The following PKP4 variants were observed in gnomAD, a reference collection of about 807,000 sequenced individuals.
PKP4 encodes plakophilin 4, also known as plakophilin-4.
PKP4 carries 90 observed loss-of-function variants against 145.1 expected under a neutral mutation model. That is an observed-to-expected ratio of 0.62 (90% CI 0.52 to 0.74). PKP4 has a LOEUF of 0.74. Ranked by LOEUF, PKP4 falls within the 30% of genes least tolerant of loss-of-function variation. The pLI, the probability that PKP4 is intolerant of heterozygous loss-of-function variation, is 0.00. For missense variants in PKP4, 1,340 were observed against 1,482.7 expected, an observed-to-expected ratio of 0.90 and a Z score of 1.58; for synonymous variants, 563 against 577.2, an observed-to-expected ratio of 0.98 and a Z score of 0.35.
At chr2:158,606,121 C>G (rs558403714) in intron 4 of PKP4, among the ~76,000 whole-genome samples, 10 of 152,216 alleles carry the variant, frequency 6.6e-5, no homozygotes, top group South Asian at 2.1e-4. Context: ...TAAGTATAAA[C>G]CTATTAGTGG....
chr2:158,648,153 A>G (rs1457762282), intron 11 of PKP4, among the ~76,000 whole-genome samples: 1 of 152,212 alleles, frequency 6.6e-6, no homozygotes, highest in Non-Finnish European at 1.5e-5. Context: ...CTTTGTTCAT[A>G]TGACTGCTAC....
At chr2:158,521,330 C>A (rs1241332845) in intron 1 of PKP4, among the ~76,000 whole-genome samples, 1 of 152,164 alleles carries the variant, frequency 6.6e-6, no homozygotes, top group Non-Finnish European at 1.5e-5. Context: ...AGGTTGAGAA[C>A]TTCATTATTG....
intron 1 of PKP4, among the ~76,000 whole-genome samples, chr2:158,502,581 A>G (rs1234121829): frequency 6.6e-6 from 1 of 152,088 alleles, no homozygotes; most frequent in Non-Finnish European, 1.5e-5. Flanking sequence ...TTCCATGTGG[A>G]TCGCTGCAGT....
intron 2 of PKP4, among the ~76,000 whole-genome samples, chr2:158,567,943 C>T (rs2047125303): frequency 6.6e-6 from 1 of 152,198 alleles, no homozygotes; most frequent in Admixed American, 6.5e-5. Context: ...GATGAGGACA[C>T]TTACAGTTTG....
At chr2:158,479,598 G>A (rs1218863227) in intron 1 of PKP4, among the ~76,000 whole-genome samples, 2 of 151,908 alleles carry the variant, frequency 1.3e-5, no homozygotes, top group Non-Finnish European at 2.9e-5. Context: ...GTCTTATTAA[G>A]CTTCTATAGG....
At chr2:158,559,278 A>G (rs1183504187) in intron 2 of PKP4, among the ~76,000 whole-genome samples, 1 of 151,116 alleles carries the variant, frequency 6.6e-6, no homozygotes, top group Non-Finnish European at 1.5e-5. Context: ...TCCTTTCTAC[A>G]GCCCCTTTAA....
At chr2:158,579,454 A>T (rs1223219427) in intron 3 of PKP4, among the ~76,000 whole-genome samples, 1 of 152,060 alleles carries the variant, frequency 6.6e-6, no homozygotes, top group Non-Finnish European at 1.5e-5. Context: ...TAAAAAAAAA[A>T]AAAAAGCATT....
intron 2 of PKP4, among the ~76,000 whole-genome samples, chr2:158,561,521 C>T (rs1174257378): frequency 6.6e-6 from 1 of 152,182 alleles, no homozygotes; most frequent in East Asian, 1.9e-4. Context: ...TTTCTAGGTG[C>T]CTACTTTTAT....
At chr2:158,655,445 T>G (rs1005884442) in intron 11 of PKP4, among the ~76,000 whole-genome samples, 1 of 152,216 alleles carries the variant, frequency 6.6e-6, no homozygotes, top group African/African-American at 2.4e-5. Context: ...ATCAGAGAAT[T>G]TCTAGGCATC....
chr2:158,606,770 A>G lies in PKP4; in HGVS notation c.280+3666A>G, dbSNP rs570490301. 2.0e-5 allele frequency among the ~76,000 whole-genome samples: 3 copies of G among 152,312 alleles called. No individual in the cohort carries two copies. In the South Asian group the frequency reaches 6.2e-4, roughly 32 times the overall value. On this transcript the variant is annotated intron_variant, in intron 4 of 21. Coordinates refer to ENST00000389759, the MANE Select transcript of PKP4 (RefSeq NM_003628.6). The stretch of plus-strand genomic sequence containing the variant: ...AATGCATAATTAATTTATTTCTGAA[A>G]TAAATAAACACTTTTCTAGCATGTA...
At chr2:158,543,181 A>G (rs1480153762) in intron 2 of PKP4, among the ~76,000 whole-genome samples, 3 of 152,086 alleles carry the variant, frequency 2.0e-5, no homozygotes, top group Admixed American at 2.0e-4. Context: ...TTTTTGGAAT[A>G]TTTGCAAAAT....
At chr2:158,580,702 A>C (rs59963083) in intron 3 of PKP4, among the ~76,000 whole-genome samples, 1 of 152,200 alleles carries the variant, frequency 6.6e-6, no homozygotes, top group African/African-American at 2.4e-5. Context: ...GGTTATGAGT[A>C]AGGTGGGTTT....
chr2:158,560,907 T>C (rs971457149), intron 2 of PKP4, among the ~76,000 whole-genome samples: 1 of 152,212 alleles, frequency 6.6e-6, no homozygotes, highest in Non-Finnish European at 1.5e-5. Flanking sequence ...AATCCTATAA[T>C]CCTTCCATAT....
intron 1 of PKP4, among the ~76,000 whole-genome samples, chr2:158,486,910 C>T (rs1694248568): frequency 1.3e-5 from 2 of 152,130 alleles, no homozygotes; most frequent in African/African-American, 4.8e-5. Context: ...TGTGTACTAG[C>T]CATTTTAGTT....
rs189555780 is a variant in PKP4 at position 158,508,467 on chromosome 2, A to G, written c.-5-24713A>G. 2.9e-3 allele frequency among the ~76,000 whole-genome samples: 444 copies of G among 152,230 alleles called. 2 individuals are homozygous for G. The highest frequency in any genetic ancestry group is 0.01 in the Middle Eastern group (3 of 292). On this transcript the variant is annotated intron_variant, in intron 1 of 21. Transcript: ENST00000389759. ...GTTCCTAACTCCCATGGACAATTCT[A>G]GCATGAGTTTTGTAATAGTTTATAA...
chr2:158,574,063 A>G (rs534067861), intron 2 of PKP4, among the ~76,000 whole-genome samples: 1 of 152,320 alleles, frequency 6.6e-6, no homozygotes, highest in African/African-American at 2.4e-5. Context: ...ATTTTCATCT[A>G]TTCTCTTAAT....
rs758786065 is a variant in PKP4, at chr2:158,646,571, G to A, written c.1909+3872G>A. Among the ~76,000 whole-genome samples, 113 of 152,116 alleles carry A rather than the reference G, an allele frequency of 7.4e-4. 1 individual carries two copies. The highest frequency in any genetic ancestry group is 2.6e-4 in the Non-Finnish European group (18 of 68,010). On this transcript the variant is annotated intron_variant, in intron 11 of 21. Coordinates refer to ENST00000389759, the MANE Select transcript of PKP4 (RefSeq NM_003628.6). ...CATTTCCCAGTCCTACAATTTAGTG[G>A]TACCAATCTTAACTGATGTTCAGTA...
intron 16 of PKP4, among the ~76,000 whole-genome samples, chr2:158,668,698 G>A (rs1368953167): frequency 6.6e-6 from 1 of 152,198 alleles, no homozygotes; most frequent in Non-Finnish European, 1.5e-5. Context: ...TACAGTGTCA[G>A]CACTGTTTTT....
chr2:158,575,307 A>C (rs560842659), intron 2 of PKP4, among the ~76,000 whole-genome samples: 1 of 152,320 alleles, frequency 6.6e-6, no homozygotes, highest in South Asian at 2.1e-4. Context: ...CAGCACCTGC[A>C]TCACAACCTG....
Sources: gnomAD v4.1 joint callset for allele counts (sites outside exome capture counted in the v4.1 genomes callset) on GRCh38, gnomAD v4.1.1 for gene constraint, MANE v1.5 for transcripts, NCBI Gene and HGNC (gene_info 2026-07-23, HGNC 2026-07-21) for gene names.